DLG2: variants seen among roughly 807,000 people sequenced by gnomAD.
DLG2 encodes disks large homolog 2.
Under a neutral mutation model 132.5 loss-of-function variants are expected in DLG2, and 45 were observed. That is an observed-to-expected ratio of 0.34 (90% CI 0.27 to 0.44). The LOEUF (loss-of-function observed/expected upper bound fraction) is 0.44, where lower values mean the gene tolerates loss of function less well. Among genes scored for constraint, DLG2 ranks in the 20% least tolerant of loss-of-function variants. The pLI, the probability that DLG2 is intolerant of heterozygous loss-of-function variation, is 1.00. For missense variants in DLG2, 1,045 were observed against 1,196.9 expected, an observed-to-expected ratio of 0.87 and a Z score of 1.87; for synonymous variants, 424 against 419.6, an observed-to-expected ratio of 1.01 and a Z score of -0.13.
At position 84,780,956 on chromosome 11, in the gene DLG2, G is replaced by T. The variant is rs992664278; in HGVS notation, c.358-246225C>A. Among the ~76,000 whole-genome samples the T allele has an allele frequency of 1.0e-4, 14 of 135,102 alleles. No individual in the cohort carries two copies. In the Admixed American group the frequency reaches 1.1e-3, roughly 11 times the overall value. 88.6% of individuals were successfully genotyped at this position (135,102 alleles called of 152,430 possible). The stretch of plus-strand genomic sequence containing the variant: ...AAAAGCAAGGAACATAAAGGATAGA[G>T]TCAAGCTATGAATTGTGAAGTGCTT... On this transcript the variant is annotated intron_variant, in intron 6 of 27. Coordinates refer to ENST00000376104, the MANE Select transcript of DLG2 (RefSeq NM_001142699.3).
intron 3 of DLG2, among the ~76,000 whole-genome samples, chr11:85,589,712 T>A (rs981306869): frequency 3.9e-5 from 6 of 151,976 alleles, no homozygotes; most frequent in Admixed American, 3.9e-4. Context: ...AACCACTGAG[T>A]TTGTCTCCAG....
chr11:83,511,087 G>GACACAC (rs60156321), intron 21 of DLG2, among the ~76,000 whole-genome samples: 4,802 of 138,536 alleles, frequency 0.035, 302 homozygotes, highest in African/African-American at 0.12. Flanking sequence ...CACACACACA[G>GACACAC]ACACACACAC....
At chr11:83,761,320 A>G (rs1034451207) in intron 18 of DLG2, among the ~76,000 whole-genome samples, 4 of 152,190 alleles carry the variant, frequency 2.6e-5, no homozygotes, top group African/African-American at 9.7e-5. Context: ...GTGTTAATAC[A>G]TCTGGCCCAC....
intron 6 of DLG2, among the ~76,000 whole-genome samples, chr11:84,702,057 C>A (rs1265070055): frequency 6.6e-6 from 1 of 151,602 alleles, no homozygotes; most frequent in Non-Finnish European, 1.5e-5. Context: ...ACAGGCCTAG[C>A]ACAAACCTGG....
chr11:84,657,912 T>A (rs187857092), intron 6 of DLG2, among the ~76,000 whole-genome samples: 2 of 152,320 alleles, frequency 1.3e-5, no homozygotes, highest in East Asian at 3.9e-4. Context: ...CTTAGAGGAC[T>A]GCCCCACACC....
intron 6 of DLG2, among the ~76,000 whole-genome samples, chr11:84,556,409 C>A (rs1592275224): frequency 6.6e-6 from 1 of 152,164 alleles, no homozygotes; most frequent in Non-Finnish European, 1.5e-5. Context: ...ATAGCAACAA[C>A]CCTAAATGGT....
intron 21 of DLG2, among the ~76,000 whole-genome samples, chr11:83,514,764 C>T (rs1392657936): frequency 2.0e-5 from 3 of 152,070 alleles, no homozygotes; most frequent in Non-Finnish European, 4.4e-5. Context: ...TGTCAAAGGC[C>T]TTTTCTGCAT....
intron 7 of DLG2, among the ~76,000 whole-genome samples, chr11:84,287,752 AC>A (rs2097925438): frequency 6.7e-6 from 1 of 149,088 alleles, no homozygotes. Flanking sequence ...ACACACACAC[AC>A]ACACACACAC....
intron 18 of DLG2, among the ~76,000 whole-genome samples, chr11:83,665,153 C>T (rs1167013131): frequency 1.3e-5 from 2 of 152,128 alleles, no homozygotes; most frequent in Non-Finnish European, 2.9e-5. Context: ...TGGTACTCAG[C>T]TTGAAAGAGA....
chr11:84,156,670 G>T (rs2095435552), intron 9 of DLG2, among the ~76,000 whole-genome samples: 1 of 152,130 alleles, frequency 6.6e-6, no homozygotes, highest in South Asian at 2.1e-4. Flanking sequence ...ACTTTTGTTA[G>T]TCATTATTTC....
chr11:85,026,801 C>T (rs1375963572), intron 6 of DLG2, among the ~76,000 whole-genome samples: 1 of 152,010 alleles, frequency 6.6e-6, no homozygotes, highest in Non-Finnish European at 1.5e-5. Flanking sequence ...CATGCCACTG[C>T]ACTCCAGCCT....
chr11:84,777,267 GTATATGTGTGTGTGTATA>G (rs2070747040), intron 6 of DLG2, among the ~76,000 whole-genome samples: 1 of 122,296 alleles, frequency 8.2e-6, no homozygotes, highest in African/African-American at 3.1e-5. Context: ...GTGTGTGTAT[GTATATGTGTGTGTGTATA>G]TATATATATA....
intron 6 of DLG2, among the ~76,000 whole-genome samples, chr11:84,916,348 C>CGAA (rs2092463637): frequency 3.6e-5 from 1 of 27,938 alleles, no homozygotes; most frequent in African/African-American, 1.3e-4. Context: ...GACTCCGTCT[C>CGAA]AAAAAAAAAA....
chr11:84,649,346 T>C (rs971483042), intron 6 of DLG2, among the ~76,000 whole-genome samples: 2 of 152,166 alleles, frequency 1.3e-5, no homozygotes, highest in African/African-American at 4.8e-5. Flanking sequence ...AAATGAACTA[T>C]GATACTCAGC....
At chr11:85,193,955 T>G (rs1357962033) in intron 4 of DLG2, among the ~76,000 whole-genome samples, 1 of 152,216 alleles carries the variant, frequency 6.6e-6, no homozygotes, top group Admixed American at 6.5e-5. Context: ...CAGGCACCCA[T>G]GTGAATGTGA....
chr11:84,860,383 T>A (rs1425491060), intron 6 of DLG2, among the ~76,000 whole-genome samples: 1 of 152,156 alleles, frequency 6.6e-6, no homozygotes, highest in Non-Finnish European at 1.5e-5. Context: ...ACTTTCTGAC[T>A]GACTTATCTT....
intron 19 of DLG2, among the ~76,000 whole-genome samples, chr11:83,627,294 T>A (rs900565650): frequency 1.3e-5 from 2 of 152,100 alleles, no homozygotes; most frequent in Admixed American, 1.3e-4. Context: ...GCCATGTTGG[T>A]GTGCTGCACC....
intron 19 of DLG2, among the ~76,000 whole-genome samples, chr11:83,562,166 C>G (rs142394895): frequency 3.9e-5 from 6 of 151,970 alleles, no homozygotes; most frequent in Non-Finnish European, 8.8e-5. Context: ...GGATTACATG[C>G]GTGAGCCACC....
At chr11:85,144,820 T>C (rs1594804529) in intron 5 of DLG2, among the ~76,000 whole-genome samples, 3 of 152,186 alleles carry the variant, frequency 2.0e-5, no homozygotes, top group Non-Finnish European at 4.4e-5. Context: ...TGATTAGTTC[T>C]TTTACTATTC....
Sources: allele counts gnomAD v4.1 joint callset (sites outside exome capture counted in the v4.1 genomes callset), GRCh38; gene constraint gnomAD v4.1.1; transcripts MANE v1.5; gene names NCBI Gene and HGNC (gene_info 2026-07-23, HGNC 2026-07-21).